Variants in VIPR2 observed in about 807,000 individuals in gnomAD.
VIPR2 encodes the protein vasoactive intestinal polypeptide receptor 2.
Under a neutral mutation model 58.0 loss-of-function variants are expected in VIPR2, and 48 were observed. That is an observed-to-expected ratio of 0.83 (90% CI 0.66 to 1.05). The LOEUF (loss-of-function observed/expected upper bound fraction) is 1.05. VIPR2 is among the 50% of genes least tolerant of loss of function. VIPR2 has a pLI of 0.00. For missense variants in VIPR2, 534 were observed against 558.0 expected (o/e 0.96, Z 0.43); for synonymous variants, 243 against 235.2 (o/e 1.03, Z -0.30).
chr7:159,067,322 T>C (rs746287121), intron 4 of VIPR2, among the ~76,000 whole-genome samples: 1 of 152,236 alleles, frequency 6.6e-6, no homozygotes, highest in Non-Finnish European at 1.5e-5. Context: ...GCTGTGCAGC[T>C]ATAGGATTTA....
intron 2 of VIPR2, among the ~76,000 whole-genome samples, chr7:159,113,055 A>C (rs116150127): frequency 0.021 from 3,242 of 152,306 alleles, 128 homozygotes; most frequent in African/African-American, 0.074. Flanking sequence ...GAGTGGCTCT[A>C]GGAGTGAGAG....
rs376457852 is a variant in VIPR2 at position 159,090,753 on chromosome 7, C to T, written c.357+13004G>A. ...CCTCAGCACAGACATGCTGGGACCACGCACAGGGGCCACCTCCTGCGACCA... is the reference window on the plus strand; with the variant it reads ...CCTCAGCACAGACATGCTGGGACCATGCACAGGGGCCACCTCCTGCGACCA... On this transcript the variant is annotated intron_variant, in intron 4 of 12. Coordinates refer to ENST00000262178, the MANE Select transcript of VIPR2 (RefSeq NM_003382.5). Among the ~76,000 whole-genome samples the T allele has an allele frequency of 2.6e-3, 291 of 112,480 alleles. 2 individuals are homozygous for T. The highest frequency in any genetic ancestry group is 3.8e-3 in the Non-Finnish European group (217 of 57,180). 73.8% of individuals were successfully genotyped at this position (112,480 alleles called of 152,430 possible).
chr7:159,114,719 T>C (rs1033691455), intron 2 of VIPR2, among the ~76,000 whole-genome samples: 3 of 151,674 alleles, frequency 2.0e-5, no homozygotes, highest in Admixed American at 6.6e-5. Context: ...GGTAGGAGGA[T>C]TGCTTGAGCC....
At chr7:159,066,404 C>T (rs1165878843) in intron 4 of VIPR2, among the ~76,000 whole-genome samples, 2 of 151,360 alleles carry the variant, frequency 1.3e-5, no homozygotes, top group Non-Finnish European at 3.0e-5. Flanking sequence ...GCTCCTGCAG[C>T]GTCCAAGGGA....
At chr7:159,038,856 T>C (rs1362695454) in intron 6 of VIPR2, among the ~76,000 whole-genome samples, 1 of 152,154 alleles carries the variant, frequency 6.6e-6, no homozygotes, top group African/African-American at 2.4e-5. Flanking sequence ...AAAATACAAT[T>C]GACAAATCAT....
rs754823072 is a variant in VIPR2 at position 159,126,220 on chromosome 7, T to C, written c.151+16226A>G. ...TTTTCAGGTGGCCAATTACAAAATA[T>C]CTTGTTACTCTCACTCCTACAGAAT... is the stretch of plus-strand genomic sequence containing the variant. On this transcript the variant is annotated intron_variant, in intron 2 of 12. Coordinates refer to ENST00000262178, the MANE Select transcript of VIPR2 (RefSeq NM_003382.5). Among the ~76,000 whole-genome samples the C allele has an allele frequency of 9.9e-5, 15 of 152,194 alleles. No homozygotes were observed. In the East Asian group the frequency reaches 2.9e-3, roughly 29 times the overall value.
intron 5 of VIPR2, among the ~76,000 whole-genome samples, chr7:159,057,801 C>T (rs964631189): frequency 6.6e-6 from 1 of 152,156 alleles, no homozygotes. Context: ...TTTGATTGGT[C>T]AAATCATCTG....
chr7:159,139,508 G>A (rs75522535), intron 2 of VIPR2, among the ~76,000 whole-genome samples: 5 of 152,176 alleles, frequency 3.3e-5, no homozygotes, highest in African/African-American at 1.2e-4. Flanking sequence ...TTGTTAGCCT[G>A]CAAGTGGGGA....
In VIPR2 at chr7:159,053,729, G is replaced by A. The variant is rs560934430; in HGVS notation, c.455+4752C>T. On this transcript the variant is annotated intron_variant, in intron 5 of 12. Coordinates refer to ENST00000262178, the MANE Select transcript of VIPR2 (RefSeq NM_003382.5). ...AATTTTAAATTTTGTTGTAGAGACT[G>A]TAGAGATGGGGTCTCCCTATGTTGC... Among the ~76,000 whole-genome samples the A allele has an allele frequency of 1.8e-4, 28 of 152,264 alleles. No individual in the cohort carries two copies. The East Asian group carries it at 5.4e-3, about 29-fold the overall frequency.
chr7:159,080,679 C>T (rs1434720161), intron 4 of VIPR2, among the ~76,000 whole-genome samples: 2 of 152,200 alleles, frequency 1.3e-5, no homozygotes. Context: ...GTCAAATTGT[C>T]CCTGTTTGCA....
rs1857666008 is a variant in VIPR2, at chr7:159,093,964, GA to G, written c.357+9792del. ...CGTGATGGAAAGGGAGCAGGAAGCT[GA>G]AGGGTAGGATGGGGAACAGGCTCAC... On this transcript the variant is annotated intron_variant, in intron 4 of 12. Coordinates refer to ENST00000262178, the MANE Select transcript of VIPR2 (RefSeq NM_003382.5). This position sits in a 1 kb window ranked among gnomAD's most constrained non-coding sequence, Gnocchi z 6.7. 6.6e-6 allele frequency among the ~76,000 whole-genome samples: 1 copy of G among 152,366 alleles called. No homozygotes were observed. The highest frequency in any genetic ancestry group is 2.4e-5 in the African/African-American group (1 of 41,592).
chr7:159,058,505 C>T lies in VIPR2; in HGVS notation c.431G>A (p.Gly144Glu). Residue 144 changes from glycine (G) to glutamate (E), a missense_variant, in exon 5 of 13, where the codon GGA becomes GAA. Transcript: ENST00000262178. ...CCTGAAGAGGCACAGAATTATGCTT[C>T]CTGTTGCAAGAGACATCAGAGAGAC... ...YSVSLMSLAT[G>E]SIILCLFRKL... The T allele has an allele frequency of 1.2e-6, 2 of 1,613,318 alleles. No individual in the cohort carries two copies. Among genetic ancestry groups the T allele is most frequent in the Non-Finnish European group, 1.7e-6 (2 of 1,179,330 alleles).
At chr7:159,051,330 G>GAACTACTT (rs1854991565) in intron 5 of VIPR2, among the ~76,000 whole-genome samples, 1 of 152,196 alleles carries the variant, frequency 6.6e-6, no homozygotes, top group Non-Finnish European at 1.5e-5. Context: ...CTGGAAAGTG[G>GAACTACTT]TAAAAGTAGT....
rs1853411359 is a variant in VIPR2 at position 159,029,425 on chromosome 7, G to A, written c.*1191C>T. On this transcript the variant is annotated 3_prime_UTR_variant, in exon 13 of 13. Coordinates refer to ENST00000262178, the MANE Select transcript of VIPR2 (RefSeq NM_003382.5). ...ATCTGCAAACCACCCTTCGCCTGAA[G>A]GAGCAGCCGCTAGGGCTGCTGAGCG... is the stretch of plus-strand genomic sequence containing the variant. 6.6e-6 allele frequency: 1 copy of A among 152,294 alleles called. No individual in the cohort carries two copies. The highest frequency in any genetic ancestry group is 2.4e-5 in the African/African-American group (1 of 41,478). The allele number at this position is 152,294 out of a possible 1,614,324, so 9.4% of individuals were successfully genotyped here.
intron 2 of VIPR2, among the ~76,000 whole-genome samples, chr7:159,138,506 C>T (rs956922403): frequency 6.6e-6 from 1 of 152,176 alleles, no homozygotes; most frequent in Admixed American, 6.5e-5. Context: ...AAAATACTGT[C>T]GGCTACCTAA....
At chr7:159,049,656 G>A (rs1005195479) in intron 5 of VIPR2, among the ~76,000 whole-genome samples, 1 of 152,206 alleles carries the variant, frequency 6.6e-6, no homozygotes, top group Non-Finnish European at 1.5e-5. Flanking sequence ...CTGTGTGTTG[G>A]GTGAGAGGCT....
At position 159,140,242 on chromosome 7, in the gene VIPR2, A is replaced by T. The variant is rs544330880; in HGVS notation, c.151+2204T>A. ...GTATGGATTTAAAAGTGGCTGTAAC[A>T]GACCCTCAGTATCTCATCTCACCTG... On this transcript the variant is annotated intron_variant, in intron 2 of 12. Transcript: ENST00000262178. Among the ~76,000 whole-genome samples the T allele has an allele frequency of 3.3e-5, 5 of 152,266 alleles. No homozygotes were observed. In the South Asian group the frequency reaches 1.0e-3, roughly 32 times the overall value.
intron 2 of VIPR2, among the ~76,000 whole-genome samples, chr7:159,134,727 G>A (rs1191652559): frequency 6.6e-6 from 1 of 151,408 alleles, no homozygotes. Context: ...GGGCCATCTC[G>A]GCTCACTGCA....
intron 5 of VIPR2, among the ~76,000 whole-genome samples, chr7:159,047,215 G>A (rs1453977352): frequency 6.6e-6 from 1 of 152,174 alleles, no homozygotes; most frequent in Non-Finnish European, 1.5e-5. Context: ...TTACGCTCCA[G>A]GCTGGGCAAC....
Sources: allele counts gnomAD v4.1 joint callset (sites outside exome capture counted in the v4.1 genomes callset), GRCh38; gene constraint gnomAD v4.1.1; non-coding constraint Gnocchi (gnomAD v3.1); transcripts MANE v1.5; gene names NCBI Gene and HGNC (gene_info 2026-07-23, HGNC 2026-07-21).